LARGE1: variants seen among roughly 807,000 people sequenced by gnomAD.
The protein encoded by LARGE1 is xylosyl- and glucuronyltransferase LARGE1.
A neutral mutation model predicts 87.6 loss-of-function variants in LARGE1; 43 were observed. The observed-to-expected ratio is 0.49, with a 90% CI of 0.38 to 0.63. The LOEUF (loss-of-function observed/expected upper bound fraction) is 0.63, where lower values mean the gene tolerates loss of function less well. LARGE1 is among the 30% of genes least tolerant of loss of function. LARGE1 has a pLI of 0.00. For missense variants in LARGE1, 802 were observed against 1,000.2 expected, an observed-to-expected ratio of 0.80 and a Z score of 2.67; for synonymous variants, 434 against 394.6, an observed-to-expected ratio of 1.10 and a Z score of -1.18.
downstream of LARGE1, among the ~76,000 whole-genome samples, chr22:33,271,348 G>A (rs949112025): frequency 6.6e-6 from 1 of 152,188 alleles, no homozygotes; most frequent in African/African-American, 2.4e-5. Context: ...TGAATTTGGA[G>A]GAGTTACTTA....
chr22:33,794,166 G>A (rs1464441693), intron 1 of LARGE1, among the ~76,000 whole-genome samples: 2 of 152,126 alleles, frequency 1.3e-5, no homozygotes, highest in Non-Finnish European at 2.9e-5. Context: ...GTATGTAGTT[G>A]GGCCCCATGT....
At chr22:33,865,649 G>A (rs1171839840) in intron 1 of LARGE1, among the ~76,000 whole-genome samples, 1 of 151,970 alleles carries the variant, frequency 6.6e-6, no homozygotes, top group Admixed American at 6.6e-5. Context: ...AAAACTCTGG[G>A]CCAGGCAGAA....
chr22:33,427,185 G>C (rs866948711), intron 7 of LARGE1, among the ~76,000 whole-genome samples: 13 of 152,224 alleles, frequency 8.5e-5, no homozygotes, highest in Non-Finnish European at 1.6e-4. Flanking sequence ...ACAGCTTCTT[G>C]CATCTAGGAG....
At chr22:33,197,946 C>T (rs73881995) in intron 11 of LARGE1, among the ~76,000 whole-genome samples, 4,583 of 152,094 alleles carry the variant, frequency 0.03, 95 homozygotes, top group Admixed American at 0.057. Context: ...TAATAGAGTC[C>T]AGAAACAGAC....
chr22:33,745,954 A>T (rs2084066791), intron 2 of LARGE1, among the ~76,000 whole-genome samples: 1 of 152,218 alleles, frequency 6.6e-6, no homozygotes, highest in Admixed American at 6.5e-5. Flanking sequence ...CTAGAATCAT[A>T]CCCATTTAAG....
chr22:33,468,845 CT>C (rs1341423174), intron 6 of LARGE1, among the ~76,000 whole-genome samples: 38 of 152,184 alleles, frequency 2.5e-4, no homozygotes, highest in Non-Finnish European at 4.6e-4. Flanking sequence ...AATCTCCCCC[CT>C]ATATTCCACA....
At chr22:33,114,317 C>T in the LARGE1 span, among the ~76,000 whole-genome samples, 4,818 of 152,214 alleles carry the variant, frequency 0.032, 261 homozygotes, top group African/African-American at 0.11. Flanking sequence ...TATTTCTATC[C>T]TGTCTTGTTA....
chr22:33,260,951 A>T (rs1388280768), intron 11 of LARGE1, among the ~76,000 whole-genome samples: 1 of 152,204 alleles, frequency 6.6e-6, no homozygotes, highest in Non-Finnish European at 1.5e-5. Flanking sequence ...GGAAAACGGC[A>T]CATCCCCACC....
the LARGE1 span, among the ~76,000 whole-genome samples, chr22:33,144,453 TTA>T: frequency 1.0e-3 from 156 of 151,240 alleles, no homozygotes; most frequent in East Asian, 3.9e-3. Flanking sequence ...ATATATTGAG[TTA>T]TATATATATA....
chr22:33,575,395 T>C (rs188053999), intron 5 of LARGE1, among the ~76,000 whole-genome samples: 2 of 152,326 alleles, frequency 1.3e-5, no homozygotes, highest in East Asian at 3.9e-4. Flanking sequence ...CTATACCTCA[T>C]AGGCAGTTTA....
chr22:33,146,122 T>C, the LARGE1 span, among the ~76,000 whole-genome samples: 1,343 of 152,260 alleles, frequency 8.8e-3, 11 homozygotes, highest in Non-Finnish European at 0.013. Flanking sequence ...TAAAAGTAAA[T>C]ATCCTTGGGA....
chr22:33,894,499 C>T (rs558957716), intron 1 of LARGE1, among the ~76,000 whole-genome samples: 8 of 152,136 alleles, frequency 5.3e-5, no homozygotes, highest in East Asian at 1.9e-4. Context: ...GTCCCCTACC[C>T]GACACTGTCC....
At chr22:33,718,006 T>G (rs1259925765) in intron 2 of LARGE1, among the ~76,000 whole-genome samples, 1 of 152,226 alleles carries the variant, frequency 6.6e-6, no homozygotes, top group East Asian at 1.9e-4. Context: ...TCCAGGTTCC[T>G]GCCATACTTT....
At chr22:33,754,493 G>A (rs914023839) in intron 2 of LARGE1, among the ~76,000 whole-genome samples, 2 of 151,738 alleles carry the variant, frequency 1.3e-5, no homozygotes, top group Admixed American at 1.3e-4. Context: ...CCACCACCAC[G>A]CCCGGCTAAT....
chr22:33,619,701 C>T lies in LARGE1; in HGVS notation c.491+6543G>A, dbSNP rs1250845800. Among the ~76,000 whole-genome samples, 5 of 152,222 alleles carry T rather than the reference C, an allele frequency of 3.3e-5. No homozygotes were observed. In the East Asian group the frequency reaches 7.7e-4, roughly 24 times the overall value. Reference sequence around the variant, plus strand: ...ATCTTCTCACTGAGACCTTGAGCCACGACTTACCATCTTGTTCTTTAGTTT... The same window carrying T: ...ATCTTCTCACTGAGACCTTGAGCCATGACTTACCATCTTGTTCTTTAGTTT... On this transcript the variant is annotated intron_variant, in intron 4 of 14. Transcript: ENST00000397394.
the LARGE1 span, among the ~76,000 whole-genome samples, chr22:33,135,060 A>G: frequency 6.6e-6 from 1 of 152,214 alleles, no homozygotes; most frequent in African/African-American, 2.4e-5. Flanking sequence ...ATTGAACCAT[A>G]TTAACTGGGC....
At chr22:33,125,649 G>C in the LARGE1 span, among the ~76,000 whole-genome samples, 1 of 152,178 alleles carries the variant, frequency 6.6e-6, no homozygotes, top group Non-Finnish European at 1.5e-5. Context: ...GTTTCACCAT[G>C]TTGGCCAAGA....
intron 1 of LARGE1, among the ~76,000 whole-genome samples, chr22:33,838,704 C>T (rs1161188246): frequency 1.3e-5 from 2 of 152,186 alleles, no homozygotes; most frequent in Non-Finnish European, 1.5e-5. Context: ...ATCACCACTG[C>T]GTTCTGGAAC....
intron 6 of LARGE1, among the ~76,000 whole-genome samples, chr22:33,473,185 T>C (rs749954714): frequency 6.6e-6 from 1 of 151,876 alleles, no homozygotes; most frequent in Non-Finnish European, 1.5e-5. Flanking sequence ...TTTTTTTCTT[T>C]GAGATGGAGT....
Sources: allele counts gnomAD v4.1 joint callset (sites outside exome capture counted in the v4.1 genomes callset), GRCh38; gene constraint gnomAD v4.1.1; transcripts MANE v1.5; gene names NCBI Gene and HGNC (gene_info 2026-07-23, HGNC 2026-07-21).